The following SLC1A2 variants were observed in gnomAD, a reference collection of about 807,000 sequenced individuals.
The protein encoded by SLC1A2 is solute carrier family 1 member 2.
In SLC1A2, 15 loss-of-function variants were observed where a neutral mutation model predicts 48.8. That is an observed-to-expected ratio of 0.31 (90% CI 0.21 to 0.47). The LOEUF (loss-of-function observed/expected upper bound fraction) is 0.47, where lower values mean the gene tolerates loss of function less well. Ranked by LOEUF, SLC1A2 falls within the 20% of genes least tolerant of loss-of-function variation. The probability of loss-of-function intolerance (pLI) is 0.99; values close to 1 mark genes in which losing one functional copy is unlikely to be tolerated. For missense variants in SLC1A2, 502 were observed against 730.5 expected (o/e 0.69, Z 3.61); for synonymous variants, 279 against 272.6 (o/e 1.02, Z -0.23).
At chr11:35,287,651 C>T (rs575381085) in intron 7 of SLC1A2, among the ~76,000 whole-genome samples, 2 of 152,302 alleles carry the variant, frequency 1.3e-5, no homozygotes, top group East Asian at 3.9e-4. Context: ...GAAGGGACTT[C>T]ACCCCCACTC....
At chr11:35,406,091 CACTT>C (rs2135284714) in intron 1 of SLC1A2, among the ~76,000 whole-genome samples, 1 of 152,288 alleles carries the variant, frequency 6.6e-6, no homozygotes, top group East Asian at 1.9e-4. Flanking sequence ...GACAAGAAAA[CACTT>C]AGCACACTCT....
intron 1 of SLC1A2, chr11:35,392,315 A>G (rs1350580828): frequency 6.6e-6 from 1 of 152,244 alleles, no homozygotes; most frequent in Admixed American, 6.5e-5. Context: ...AGGAAGACAC[A>G]GAGAATGTGA....
chr11:35,404,308 G>A (rs1048179310), intron 1 of SLC1A2: 2 of 152,210 alleles, frequency 1.3e-5, no homozygotes, highest in Non-Finnish European at 2.9e-5. Flanking sequence ...AAAAAACCAG[G>A]CTGAACATAC....
At chr11:35,322,436 C>T in intron 1 of SLC1A2, 1 of 628,770 alleles carries the variant, frequency 1.6e-6, no homozygotes, top group Non-Finnish European at 2.8e-6. Flanking sequence ...CCTTAGCTGG[C>T]ACCAAACTCT....
At chr11:35,299,484 T>A (rs1036370463) in intron 6 of SLC1A2, 4 of 152,226 alleles carry the variant, frequency 2.6e-5, no homozygotes, top group African/African-American at 9.6e-5. Flanking sequence ...GAGGGTTCAG[T>A]ACAATCATAA....
chr11:35,365,337 G>A (rs937812808), intron 1 of SLC1A2, among the ~76,000 whole-genome samples: 1 of 152,156 alleles, frequency 6.6e-6, no homozygotes, highest in Admixed American at 6.5e-5. Context: ...TAAAGCTGGT[G>A]TAACTACAGC....
At chr11:35,312,146 C>T (rs1851727426) in intron 4 of SLC1A2, 52 bp downstream of exon 4, 5 of 1,579,094 alleles carry the variant, frequency 3.2e-6, no homozygotes, top group Non-Finnish European at 4.3e-6. Context: ...TAAGTTATCG[C>T]CTTGATAACT....
At chr11:35,372,464 A>T (rs1003867440) in intron 1 of SLC1A2, among the ~76,000 whole-genome samples, 1 of 152,126 alleles carries the variant, frequency 6.6e-6, no homozygotes, top group African/African-American at 2.4e-5. Context: ...TCAAGTACAC[A>T]CTCCATACAA....
chr11:35,355,503 T>G (rs1272580631), intron 1 of SLC1A2, among the ~76,000 whole-genome samples: 2 of 152,356 alleles, frequency 1.3e-5, no homozygotes, highest in East Asian at 3.9e-4. Flanking sequence ...GCTGACTGCC[T>G]TGTTTTGCTG....
At chr11:35,262,778 T>C (rs1698224078) in intron 10 of SLC1A2, among the ~76,000 whole-genome samples, 1 of 152,160 alleles carries the variant, frequency 6.6e-6, no homozygotes, top group South Asian at 2.1e-4. Flanking sequence ...ACAATTTCAT[T>C]AAAAATGTAA....
chr11:35,261,370 G>C (rs964195281), intron 10 of SLC1A2, among the ~76,000 whole-genome samples: 8 of 152,136 alleles, frequency 5.3e-5, no homozygotes, highest in Admixed American at 5.2e-4. Flanking sequence ...CATGTGAAAG[G>C]TTCAGTTGCA....
At chr11:35,362,128 G>A (rs1853702398) in intron 1 of SLC1A2, among the ~76,000 whole-genome samples, 2 of 152,180 alleles carry the variant, frequency 1.3e-5, no homozygotes, top group African/African-American at 2.4e-5. Context: ...CGGGCCAGGG[G>A]ACTCTCCAAA....
At chr11:35,355,464 G>A (rs1187354272) in intron 1 of SLC1A2, among the ~76,000 whole-genome samples, 1 of 152,148 alleles carries the variant, frequency 6.6e-6, no homozygotes, top group Non-Finnish European at 1.5e-5. Context: ...GGAGTTCACT[G>A]GGAAAAAAAG....
chr11:35,310,976 T>C (rs1274237387), intron 4 of SLC1A2, among the ~76,000 whole-genome samples: 4 of 152,196 alleles, frequency 2.6e-5, no homozygotes, highest in Admixed American at 2.0e-4. Context: ...AAACTCCTTG[T>C]CCTGACAAGG....
intron 4 of SLC1A2, among the ~76,000 whole-genome samples, chr11:35,310,522 C>G (rs1459109227): frequency 5.3e-5 from 8 of 152,168 alleles, no homozygotes; most frequent in Admixed American, 2.0e-4. Context: ...GTATCTGAAA[C>G]CAGGGAACAT....
At chr11:35,265,224 A>T in intron 10 of SLC1A2, 1 of 454,386 alleles carries the variant, frequency 2.2e-6, no homozygotes, top group Non-Finnish European at 3.8e-6. Context: ...CTTGGGCGAA[A>T]TATTCAAGAC....
At chr11:35,320,068 CACAA>C (rs1852006969) in intron 1 of SLC1A2, among the ~76,000 whole-genome samples, 1 of 152,154 alleles carries the variant, frequency 6.6e-6, no homozygotes, top group African/African-American at 2.4e-5. Context: ...TCTCCCAGAA[CACAA>C]ACAGAGACTG....
At chr11:35,261,587 G>C (rs929130774) in intron 10 of SLC1A2, 118 of 397,916 alleles carry the variant, frequency 3.0e-4, no homozygotes, top group African/African-American at 2.3e-3. Flanking sequence ...TCTATATTAT[G>C]CTTCCCTGGC....
rs533619715 is a variant in SLC1A2 at position 35,348,815 on chromosome 11, C to G, written c.18-31299G>C. ...GGCTGAGGTGGGAGAATTGCTTGAA[C>G]CCAGGAGGTGGAGGCTGCAGTGAGC... On this transcript the variant is annotated intron_variant, in intron 1 of 10. Coordinates refer to ENST00000278379, the MANE Select transcript of SLC1A2 (RefSeq NM_004171.4). Among the ~76,000 whole-genome samples the G allele has an allele frequency of 3.3e-4, 50 of 150,896 alleles. 1 individual carries two copies. The highest frequency in any genetic ancestry group is 6.6e-4 in the Non-Finnish European group (45 of 67,766).
Sources: allele counts gnomAD v4.1 joint callset (sites outside exome capture counted in the v4.1 genomes callset), GRCh38; gene constraint gnomAD v4.1.1; transcripts MANE v1.5; gene names NCBI Gene and HGNC (gene_info 2026-07-23, HGNC 2026-07-21).